Variants in KIF21A observed in about 807,000 individuals in gnomAD.
KIF21A encodes kinesin family member 21A.
In KIF21A, 114 loss-of-function variants were observed where a neutral mutation model predicts 202.9. That is an observed-to-expected ratio of 0.56 (90% CI 0.48 to 0.66). KIF21A has a LOEUF of 0.66. Among genes scored for constraint, KIF21A ranks in the 30% least tolerant of loss-of-function variants. KIF21A has a pLI of 0.00. For synonymous variants in KIF21A, 667 were observed against 670.8 expected (o/e 0.99, Z 0.09); for missense variants, 1,677 against 1,994.9 (o/e 0.84, Z 3.04).
chr12:39,391,115 C>G (rs899489332), intron 1 of KIF21A, among the ~76,000 whole-genome samples: 13 of 152,168 alleles, frequency 8.5e-5, no homozygotes, highest in African/African-American at 2.9e-4. Flanking sequence ...GTAACACATA[C>G]TGATTCCATC....
intron 7 of KIF21A, among the ~76,000 whole-genome samples, chr12:39,361,801 C>T (rs1042474397): frequency 1.3e-5 from 2 of 151,922 alleles, no homozygotes; most frequent in Non-Finnish European, 2.9e-5. Context: ...CCACTGCGCC[C>T]GGCCAAAACA....
At chr12:39,362,499 A>T (rs1455879413) in intron 7 of KIF21A, among the ~76,000 whole-genome samples, 1 of 146,660 alleles carries the variant, frequency 6.8e-6, no homozygotes, top group Non-Finnish European at 1.5e-5. Context: ...ACATTACCAT[A>T]AAAAAAAAAG....
At chr12:39,357,175 A>T in intron 9 of KIF21A, 73 bp downstream of exon 9, 1 of 1,265,946 alleles carries the variant, frequency 7.9e-7, no homozygotes, top group Non-Finnish European at 1.2e-6. Flanking sequence ...TATGCTAGGT[A>T]ATTAGTGAAC....
intron 1 of KIF21A, among the ~76,000 whole-genome samples, chr12:39,406,486 C>T (rs927310568): frequency 4.6e-5 from 7 of 152,182 alleles, no homozygotes; most frequent in Admixed American, 4.6e-4. Flanking sequence ...AATGTCCAAT[C>T]AATGCTTACC....
chr12:39,341,162 C>T, intron 14 of KIF21A, 68 bp from the exon 15 acceptor site: 1 of 1,256,304 alleles, frequency 8.0e-7, no homozygotes, highest in Non-Finnish European at 1.1e-6. Context: ...AGCTTTCAAG[C>T]AGACCATAAA....
chr12:39,307,939 G>A (rs150492142), intron 33 of KIF21A, among the ~76,000 whole-genome samples: 3 of 152,172 alleles, frequency 2.0e-5, no homozygotes, highest in Admixed American at 2.0e-4. Context: ...AATAAAATAA[G>A]ATTATGAATG....
chr12:39,298,277 G>A (rs1027918944), intron 37 of KIF21A, among the ~76,000 whole-genome samples: 66 of 152,174 alleles, frequency 4.3e-4, no homozygotes, highest in African/African-American at 1.6e-3. Flanking sequence ...CCAGAAAGTA[G>A]AGAAGAGGAG....
chr12:39,436,448 A>T (rs865822299), intron 1 of KIF21A, among the ~76,000 whole-genome samples: 1,263 of 95,706 alleles, frequency 0.013, 36 homozygotes, highest in Middle Eastern at 0.03. Context: ...ATATATATAT[A>T]TTTTTTTTTT....
rs777619166 is a variant in KIF21A at position 39,342,091 on chromosome 12, G to C, written c.1746C>G (p.Asp582Glu). Residue 582 changes from aspartate (D) to glutamate (E), a missense_variant, in exon 13 of 38, where the codon GAC becomes GAG. This residue lies in a region of KIF21A where 966 missense variants were observed against 1,180.9 expected (regional missense o/e 0.82). Transcript: ENST00000361418. ...VAGKEDNTDT[D>E]QEKKEEKGVS... ...CACCCTTTTCTTCTTTCTTCTCTTGGTCAGTGTCTGTATTATCCTCTTTAC... is the reference window on the plus strand; with the variant it reads ...CACCCTTTTCTTCTTTCTTCTCTTGCTCAGTGTCTGTATTATCCTCTTTAC... 1.9e-6 allele frequency: 3 copies of C among 1,611,234 alleles called. No homozygotes were observed. The Admixed American group carries it at 5.0e-5, about 27-fold the overall frequency.
At chr12:39,407,129 G>A (rs1024064026) in intron 1 of KIF21A, among the ~76,000 whole-genome samples, 1 of 152,086 alleles carries the variant, frequency 6.6e-6, no homozygotes, top group African/African-American at 2.4e-5. Flanking sequence ...CTCCTGCATT[G>A]TCGATTCTTC....
chr12:39,404,177 G>A (rs575328950), intron 1 of KIF21A, among the ~76,000 whole-genome samples: 14 of 152,102 alleles, frequency 9.2e-5, no homozygotes, highest in Non-Finnish European at 1.6e-4. Flanking sequence ...ACCTCCAAGT[G>A]CACTGCTGCC....
At chr12:39,336,357 C>A (rs898651030) in intron 17 of KIF21A, among the ~76,000 whole-genome samples, 1 of 152,098 alleles carries the variant, frequency 6.6e-6, no homozygotes, top group Non-Finnish European at 1.5e-5. Context: ...ACAATTAGCA[C>A]GTTGAGATGT....
chr12:39,295,128 C>G (rs992228179), intron 37 of KIF21A, among the ~76,000 whole-genome samples: 2 of 152,262 alleles, frequency 1.3e-5, no homozygotes, highest in Middle Eastern at 3.4e-3. Context: ...GAGAAGTGAA[C>G]TAATACTCCA....
chr12:39,358,779 A>G (rs575787920), intron 7 of KIF21A, among the ~76,000 whole-genome samples: 1 of 152,332 alleles, frequency 6.6e-6, no homozygotes, highest in African/African-American at 2.4e-5. Context: ...TTTTGATGCC[A>G]GCAAAGAATT....
intron 33 of KIF21A, among the ~76,000 whole-genome samples, chr12:39,308,678 T>A (rs1943713314): frequency 6.6e-6 from 1 of 152,154 alleles, no homozygotes; most frequent in Admixed American, 6.5e-5. Flanking sequence ...AACATTTTCT[T>A]AGCTAACTTC....
intron 11 of KIF21A, among the ~76,000 whole-genome samples, chr12:39,347,304 A>G (rs535681018): frequency 1.1e-3 from 165 of 151,958 alleles, no homozygotes; most frequent in African/African-American, 3.9e-3. Flanking sequence ...TAAGAAACAT[A>G]TAAGAAATAT....
At chr12:39,383,138 G>A (rs1057390262) in intron 1 of KIF21A, among the ~76,000 whole-genome samples, 2 of 152,200 alleles carry the variant, frequency 1.3e-5, no homozygotes, top group South Asian at 2.1e-4. Flanking sequence ...AGAAACATTA[G>A]AGGACAAAGT....
chr12:39,426,430 G>A (rs17127119), intron 1 of KIF21A, among the ~76,000 whole-genome samples: 14,105 of 152,138 alleles, frequency 0.093, 790 homozygotes, highest in South Asian at 0.28. Context: ...AATTCATGGA[G>A]AGGTATTTTT....
intron 1 of KIF21A, among the ~76,000 whole-genome samples, chr12:39,381,628 G>C (rs1950622679): frequency 6.6e-6 from 1 of 152,200 alleles, no homozygotes. Context: ...ATAACCACAA[G>C]TGACAGCTCA....
Sources: gnomAD v4.1 joint callset for allele counts (sites outside exome capture counted in the v4.1 genomes callset) on GRCh38, gnomAD v4.1.1 for gene constraint, gnomAD v4.1.1 regional missense constraint, MANE v1.5 for transcripts, NCBI Gene and HGNC (gene_info 2026-07-23, HGNC 2026-07-21) for gene names.